Variants in MSRA observed in about 807,000 individuals in gnomAD.
MSRA encodes the protein methionine sulfoxide reductase A.
A neutral mutation model predicts 31.3 loss-of-function variants in MSRA; 54 were observed. That is an observed-to-expected ratio of 1.73 (90% confidence interval 1.39 to 2.17). MSRA has a LOEUF of 2.17. MSRA is among the 30% of genes most tolerant of loss of function. The probability of loss-of-function intolerance (pLI) is 0.00; values close to 1 mark genes in which losing one functional copy is unlikely to be tolerated. For synonymous variants in MSRA, 169 were observed against 116.5 expected, an observed-to-expected ratio of 1.45 and a Z score of -2.90; for missense variants, 507 against 300.9, an observed-to-expected ratio of 1.69 and a Z score of -5.07.
intron 1 of MSRA, among the ~76,000 whole-genome samples, chr8:10,058,596 T>C (rs1196150109): frequency 6.6e-6 from 1 of 152,212 alleles, no homozygotes; most frequent in Non-Finnish European, 1.5e-5. Flanking sequence ...AAAGAGCAGA[T>C]AATTCCAGAG....
chr8:10,415,001 C>T (rs950575060), intron 5 of MSRA, among the ~76,000 whole-genome samples: 1 of 152,156 alleles, frequency 6.6e-6, no homozygotes, highest in Non-Finnish European at 1.5e-5. Context: ...TTTTAAAAGC[C>T]AGCAGACCTC....
chr8:10,084,778 C>G (rs1798470718), intron 1 of MSRA, among the ~76,000 whole-genome samples: 1 of 152,140 alleles, frequency 6.6e-6, no homozygotes, highest in Admixed American at 6.5e-5. Context: ...ATAGATTGCC[C>G]TATCCTTTTA....
At chr8:10,121,906 C>G (rs147618191) in intron 1 of MSRA, among the ~76,000 whole-genome samples, 267 of 150,684 alleles carry the variant, frequency 1.8e-3, no homozygotes, top group African/African-American at 6.4e-3. Flanking sequence ...GTCTGAAACT[C>G]TTGGCCTCAA....
At chr8:10,064,967 A>G (rs1249676111) in intron 1 of MSRA, among the ~76,000 whole-genome samples, 1 of 152,130 alleles carries the variant, frequency 6.6e-6, no homozygotes, top group Non-Finnish European at 1.5e-5. Context: ...TAGCAGTTGA[A>G]AACCGCGTAA....
chr8:10,105,240 G>C (rs1799806954), intron 1 of MSRA, among the ~76,000 whole-genome samples: 1 of 151,646 alleles, frequency 6.6e-6, no homozygotes, highest in Non-Finnish European at 1.5e-5. Context: ...AATTAACTAT[G>C]GAATATGTTT....
intron 2 of MSRA, among the ~76,000 whole-genome samples, chr8:10,235,786 G>T (rs918292858): frequency 2.0e-5 from 3 of 152,032 alleles, no homozygotes; most frequent in African/African-American, 7.2e-5. Flanking sequence ...GAGAAAATAA[G>T]AAAGGCTAGC....
In MSRA at chr8:10,428,447, G is replaced by T; in HGVS notation, c.*135G>T. The T allele has an allele frequency of 2.0e-6, 2 of 984,576 alleles. No individual in the cohort carries two copies. The highest frequency in any genetic ancestry group is 3.0e-6 in the Non-Finnish European group (2 of 668,686). The allele number at this position is 984,576 out of a possible 1,614,324, so 61.0% of individuals were successfully genotyped here. A position where few individuals can be genotyped will look rare whatever the true frequency, so the allele number is the denominator to read the frequency against. The stretch of plus-strand genomic sequence containing the variant: ...GGAATTTATACAGATTGGGTTTACC[G>T]AAGTATAATCTATAGGAGGCGCGAT... On this transcript the variant is annotated 3_prime_UTR_variant, in exon 6 of 6. Transcript: ENST00000317173.
intron 5 of MSRA, among the ~76,000 whole-genome samples, chr8:10,391,325 A>G (rs1563426627): frequency 6.6e-6 from 1 of 152,186 alleles, no homozygotes; most frequent in Non-Finnish European, 1.5e-5. Context: ...GCTCTTGGCA[A>G]CTTAAGTCAG....
intron 3 of MSRA, among the ~76,000 whole-genome samples, chr8:10,255,228 T>C (rs1466597069): frequency 6.6e-6 from 1 of 152,200 alleles, no homozygotes; most frequent in African/African-American, 2.4e-5. Context: ...CGCTCATCAC[T>C]AGCCCACTGC....
intron 1 of MSRA, among the ~76,000 whole-genome samples, chr8:10,138,525 C>G (rs571788485): frequency 6.6e-6 from 1 of 152,182 alleles, no homozygotes; most frequent in Non-Finnish European, 1.5e-5. Context: ...TTTCATGTCT[C>G]TACTTCTCAA....
chr8:10,386,026 T>G (rs886228075), intron 5 of MSRA, among the ~76,000 whole-genome samples: 4 of 152,186 alleles, frequency 2.6e-5, no homozygotes, highest in African/African-American at 9.7e-5. Flanking sequence ...TGTGAGTATT[T>G]CAGGGCAGGA....
chr8:10,119,456 T>C (rs557185626), intron 1 of MSRA, among the ~76,000 whole-genome samples: 1 of 152,290 alleles, frequency 6.6e-6, no homozygotes, highest in South Asian at 2.1e-4. Flanking sequence ...GAGTGGCTTG[T>C]AGCAGGCTGA....
chr8:10,131,222 A>G (rs562022864), intron 1 of MSRA, among the ~76,000 whole-genome samples: 1 of 152,326 alleles, frequency 6.6e-6, no homozygotes, highest in East Asian at 1.9e-4. Context: ...GGAGAAATGT[A>G]CACGTTCATA....
intron 5 of MSRA, among the ~76,000 whole-genome samples, chr8:10,399,610 C>A (rs1807317138): frequency 6.6e-6 from 1 of 152,218 alleles, no homozygotes; most frequent in Non-Finnish European, 1.5e-5. Context: ...GCCAGCAGAA[C>A]CACAAGCCAA....
At chr8:10,330,998 T>A (rs185726094) in intron 5 of MSRA, among the ~76,000 whole-genome samples, 64 of 152,292 alleles carry the variant, frequency 4.2e-4, no homozygotes, top group South Asian at 1.5e-3. Flanking sequence ...GCTGTCCTTA[T>A]ACGAAGAGAC....
intron 5 of MSRA, among the ~76,000 whole-genome samples, chr8:10,410,858 T>G (rs1000088169): frequency 6.6e-6 from 1 of 152,238 alleles, no homozygotes; most frequent in African/African-American, 2.4e-5. Flanking sequence ...TATAATTAGC[T>G]TATGTTCTTG....
At chr8:10,206,661 C>T (rs1170377311) in intron 1 of MSRA, among the ~76,000 whole-genome samples, 2 of 152,238 alleles carry the variant, frequency 1.3e-5, no homozygotes, top group Non-Finnish European at 2.9e-5. Context: ...CTCTCTCACC[C>T]TTGCCTTTGC....
intron 3 of MSRA, among the ~76,000 whole-genome samples, chr8:10,285,488 G>A (rs888024910): frequency 6.6e-6 from 1 of 151,996 alleles, no homozygotes; most frequent in African/African-American, 2.4e-5. Context: ...TCATTTCTTT[G>A]TGTTGGGAAC....
chr8:10,091,052 C>G (rs983482099), intron 1 of MSRA, among the ~76,000 whole-genome samples: 5 of 152,068 alleles, frequency 3.3e-5, no homozygotes, highest in Non-Finnish European at 7.4e-5. Flanking sequence ...GGGTTCTGAA[C>G]ATGGTTCTAT....
Sources: gnomAD v4.1 joint callset for allele counts (sites outside exome capture counted in the v4.1 genomes callset) on GRCh38, gnomAD v4.1.1 for gene constraint, MANE v1.5 for transcripts, NCBI Gene and HGNC (gene_info 2026-07-23, HGNC 2026-07-21) for gene names.